The following HS2ST1 variants were observed in gnomAD, a reference collection of about 807,000 sequenced individuals.
HS2ST1 encodes 2-O-sulfotransferase.
A neutral mutation model predicts 42.9 loss-of-function variants in HS2ST1; 18 were observed. That is an observed-to-expected ratio of 0.42 (90% CI 0.29 to 0.62). HS2ST1 has a LOEUF of 0.62. Among genes scored for constraint, HS2ST1 ranks in the 20% least tolerant of loss-of-function variants. The pLI, the probability that HS2ST1 is intolerant of heterozygous loss-of-function variation, is 0.21. For missense variants in HS2ST1, 334 were observed against 433.8 expected (o/e 0.77, Z 2.04); for synonymous variants, 146 against 152.9 (o/e 0.95, Z 0.33).
At chr1:87,072,115 C>T (rs1651427664) in intron 1 of HS2ST1, among the ~76,000 whole-genome samples, 1 of 152,058 alleles carries the variant, frequency 6.6e-6, no homozygotes, top group Non-Finnish European at 1.5e-5. Flanking sequence ...AATGTAACTG[C>T]TTTTGAAACC....
chr1:86,984,099 T>C (rs868793707), intron 1 of HS2ST1, among the ~76,000 whole-genome samples: 1 of 152,160 alleles, frequency 6.6e-6, no homozygotes, highest in Non-Finnish European at 1.5e-5. Context: ...ATATTTATCA[T>C]ACATTGCATG....
intron 1 of HS2ST1, among the ~76,000 whole-genome samples, chr1:86,944,348 T>G (rs913539810): frequency 6.6e-5 from 10 of 152,024 alleles, no homozygotes; most frequent in Non-Finnish European, 1.5e-5. Flanking sequence ...TTTTAAAAAT[T>G]GACATGTTTT....
intron 1 of HS2ST1, among the ~76,000 whole-genome samples, chr1:86,971,063 C>T (rs12734749): frequency 0.73 from 111,668 of 152,032 alleles, 42,038 homozygotes; most frequent in East Asian, 0.97. Context: ...TCAGGAATTA[C>T]TTTATTGACT....
chr1:86,942,413 T>C (rs1056345601), intron 1 of HS2ST1, among the ~76,000 whole-genome samples: 11 of 152,380 alleles, frequency 7.2e-5, no homozygotes, highest in African/African-American at 2.4e-4. Flanking sequence ...TCTTAGATTA[T>C]CTTTGTTCTT....
intron 1 of HS2ST1, among the ~76,000 whole-genome samples, chr1:86,975,505 T>G (rs1213170687): frequency 6.6e-6 from 1 of 152,126 alleles, no homozygotes; most frequent in East Asian, 1.9e-4. Context: ...TATATGTAAA[T>G]AGAAATTCTG....
Position 86,914,924 on chromosome 1 carries a change from G to T in HS2ST1, c.-113G>T, listed in dbSNP as rs538070691. The T allele has an allele frequency of 1.4e-3, 1,869 of 1,341,450 alleles. 3 individuals are homozygous for T. The highest frequency in any genetic ancestry group is 1.8e-3 in the Non-Finnish European group (1,748 of 962,912). 83.1% of individuals were successfully genotyped at this position (1,341,450 alleles called of 1,614,324 possible). On this transcript the variant is annotated 5_prime_UTR_variant, in exon 1 of 7. Coordinates refer to ENST00000370550, the MANE Select transcript of HS2ST1 (RefSeq NM_012262.4). Reference sequence around the variant, plus strand: ...TCGCTGCGGTGGTTCTCTCGCTGTCGCTCTCTCTTTGCCTCGCTCCCGGCT... The same window carrying T: ...TCGCTGCGGTGGTTCTCTCGCTGTCTCTCTCTCTTTGCCTCGCTCCCGGCT...
intron 1 of HS2ST1, among the ~76,000 whole-genome samples, chr1:86,998,813 C>A (rs761835756): frequency 3.9e-5 from 6 of 152,162 alleles, no homozygotes; most frequent in Admixed American, 6.5e-5. Context: ...TATAGAAATT[C>A]ATCTAAAACT....
At chr1:86,998,707 T>C (rs1341238924) in intron 1 of HS2ST1, among the ~76,000 whole-genome samples, 1 of 152,218 alleles carries the variant, frequency 6.6e-6, no homozygotes, top group Non-Finnish European at 1.5e-5. Flanking sequence ...ATCTTACTTT[T>C]GCTGTGTTTA....
At chr1:86,985,972 G>C (rs983136698) in intron 1 of HS2ST1, among the ~76,000 whole-genome samples, 1 of 149,218 alleles carries the variant, frequency 6.7e-6, no homozygotes, top group Non-Finnish European at 1.5e-5. Context: ...CACCTAAATT[G>C]TGTGAGCTTT....
chr1:87,053,771 G>A lies in HS2ST1; in HGVS notation c.125-19163G>A, dbSNP rs76605578. 4.4e-3 allele frequency among the ~76,000 whole-genome samples: 666 copies of A among 152,232 alleles called. 5 individuals carry two copies. The highest frequency in any genetic ancestry group is 4.3e-3 in the Non-Finnish European group (294 of 68,016). On this transcript the variant is annotated intron_variant, in intron 1 of 6. Coordinates refer to ENST00000370550, the MANE Select transcript of HS2ST1 (RefSeq NM_012262.4). ...AGCACTTAAAATGTTTAATAGATTA[G>A]TACATGATCTTGCAGTGATAGTGCA...
intron 2 of HS2ST1, among the ~76,000 whole-genome samples, chr1:87,076,932 G>A (rs1301717955): frequency 6.6e-6 from 1 of 152,004 alleles, no homozygotes; most frequent in Non-Finnish European, 1.5e-5. Flanking sequence ...CCAACTTTAG[G>A]TTATCTGCGT....
intron 4 of HS2ST1, among the ~76,000 whole-genome samples, chr1:87,096,446 C>G (rs546595027): frequency 1.4e-4 from 22 of 152,120 alleles, no homozygotes; most frequent in African/African-American, 5.1e-4. Flanking sequence ...CACCACTAAT[C>G]TCATCAGAAA....
At chr1:86,935,984 A>T (rs956813628) in intron 1 of HS2ST1, among the ~76,000 whole-genome samples, 2 of 152,174 alleles carry the variant, frequency 1.3e-5, no homozygotes, top group African/African-American at 2.4e-5. Context: ...TGATACTATT[A>T]ATTAAACTAT....
At chr1:86,932,252 T>G (rs1213961005) in intron 1 of HS2ST1, 2 of 152,070 alleles carry the variant, frequency 1.3e-5, no homozygotes, top group Admixed American at 1.3e-4. Flanking sequence ...CTAAAAAAAT[T>G]TGATCACATG....
At chr1:87,024,300 A>T (rs1459732528) in intron 1 of HS2ST1, among the ~76,000 whole-genome samples, 1 of 152,078 alleles carries the variant, frequency 6.6e-6, no homozygotes, top group Non-Finnish European at 1.5e-5. Flanking sequence ...CAGGAGTTCA[A>T]GACCAGCCTG....
Position 87,044,950 on chromosome 1 carries a change from C to A in HS2ST1, c.125-27984C>A, listed in dbSNP as rs1218814713. The A allele has an allele frequency of 3.2e-6, 5 of 1,586,596 alleles. No individual in the cohort carries two copies. In the East Asian group the frequency reaches 1.1e-4, roughly 36 times the overall value. ...TCTGTTCAATCTAATGCTATGACAT[C>A]ATCCAGCTCTTCCTTCTGTTCTATA... is the stretch of plus-strand genomic sequence containing the variant. On this transcript the variant is annotated intron_variant, in intron 1 of 6. Transcript: ENST00000370550.
At chr1:86,933,823 T>C (rs1386195179) in intron 1 of HS2ST1, among the ~76,000 whole-genome samples, 1 of 151,870 alleles carries the variant, frequency 6.6e-6, no homozygotes, top group Non-Finnish European at 1.5e-5. Context: ...CTGTGTTTAC[T>C]GTTTGATGTA....
At chr1:87,019,669 CT>C (rs1485989641) in intron 1 of HS2ST1, among the ~76,000 whole-genome samples, 1 of 152,148 alleles carries the variant, frequency 6.6e-6, no homozygotes, top group Non-Finnish European at 1.5e-5. Flanking sequence ...CTAAATATCA[CT>C]TTATGATTTC....
At chr1:87,059,706 T>C (rs1333935011) in intron 1 of HS2ST1, among the ~76,000 whole-genome samples, 1 of 152,154 alleles carries the variant, frequency 6.6e-6, no homozygotes, top group Admixed American at 6.5e-5. Context: ...CAGACAGAAG[T>C]AAGAGGCTAG....
Sources: allele counts gnomAD v4.1 joint callset (sites outside exome capture counted in the v4.1 genomes callset), GRCh38; gene constraint gnomAD v4.1.1; transcripts MANE v1.5; gene names NCBI Gene and HGNC (gene_info 2026-07-23, HGNC 2026-07-21).